The following PTPRD variants were observed in gnomAD, a reference collection of about 807,000 sequenced individuals.
PTPRD encodes protein tyrosine phosphatase receptor type D, also known as receptor-type tyrosine-protein phosphatase delta.
A neutral mutation model predicts 214.5 loss-of-function variants in PTPRD; 34 were observed. The ratio of observed to expected loss-of-function variants is 0.16; its 90% CI spans 0.12 to 0.21. PTPRD has a LOEUF of 0.21. PTPRD is among the 10% of genes least tolerant of loss of function. PTPRD has a pLI of 1.00. For missense variants in PTPRD, 2,545 were observed against 2,398.7 expected (o/e 1.06, Z -1.27); for synonymous variants, 1,128 against 845.7 (o/e 1.33, Z -5.79).
At chr9:10,561,433 C>T (rs1444825936) in intron 2 of PTPRD, among the ~76,000 whole-genome samples, 1 of 152,134 alleles carries the variant, frequency 6.6e-6, no homozygotes, top group Non-Finnish European at 1.5e-5. Context: ...TATTTCTCCA[C>T]TGCAACTTGA....
In PTPRD at chr9:8,410,286, G is replaced by A. The variant is rs566827788; in HGVS notation, c.4087-5626C>T. ...TGATGTTTTAGAAACTGAAATGTGA[G>A]GAAGGAGTGGAAAGTCCAGTGGTGA... On this transcript the variant is annotated intron_variant, in intron 35 of 45. Coordinates refer to ENST00000381196, the MANE Select transcript of PTPRD (RefSeq NM_002839.4). Among the ~76,000 whole-genome samples, 4 of 152,312 alleles carry A rather than the reference G, an allele frequency of 2.6e-5. No homozygotes were observed. The South Asian group carries it at 6.2e-4, about 24-fold the overall frequency.
At chr9:9,111,683 G>A (rs933196416) in intron 10 of PTPRD, among the ~76,000 whole-genome samples, 1 of 152,014 alleles carries the variant, frequency 6.6e-6, no homozygotes, top group Non-Finnish European at 1.5e-5. Flanking sequence ...GTTTTCAGAG[G>A]CAAATTATAC....
chr9:10,583,048 T>TA (rs2072540995), intron 2 of PTPRD, among the ~76,000 whole-genome samples: 1 of 152,138 alleles, frequency 6.6e-6, no homozygotes, highest in Non-Finnish European at 1.5e-5. Flanking sequence ...CTTTGGATGA[T>TA]AAAGTCTGGG....
chr9:8,803,323 T>C (rs1259741475), intron 11 of PTPRD, among the ~76,000 whole-genome samples: 1 of 152,142 alleles, frequency 6.6e-6, no homozygotes, highest in Non-Finnish European at 1.5e-5. Context: ...TAGGCTTCCC[T>C]ATAATTTAAT....
intron 11 of PTPRD, among the ~76,000 whole-genome samples, chr9:8,779,684 C>T (rs941571875): frequency 1.3e-5 from 2 of 152,116 alleles, no homozygotes; most frequent in African/African-American, 2.4e-5. Context: ...TTAATCAGCA[C>T]GGTAAACAAG....
chr9:10,509,557 T>TTATATATATATATGTATATA (rs2047271019), intron 2 of PTPRD, among the ~76,000 whole-genome samples: 1 of 106,690 alleles, frequency 9.4e-6, no homozygotes, highest in Non-Finnish European at 1.8e-5. Flanking sequence ...TTAATAAATA[T>TTATATATATATATGTATATA]TATATATATA....
intron 9 of PTPRD, among the ~76,000 whole-genome samples, chr9:9,379,981 T>C (rs1032454432): frequency 2.0e-5 from 3 of 152,072 alleles, no homozygotes; most frequent in Admixed American, 6.6e-5. Context: ...AAAGATATTT[T>C]CATTTTTTTC....
intron 39 of PTPRD, among the ~76,000 whole-genome samples, chr9:8,366,847 C>A (rs765968131): frequency 6.6e-6 from 1 of 152,200 alleles, no homozygotes; most frequent in Non-Finnish European, 1.5e-5. Context: ...TAGCATTTAT[C>A]AACTCCAAAG....
Position 8,825,224 on chromosome 9 carries a change from T to A in PTPRD, c.-103-91278A>T, listed in dbSNP as rs549622136. Among the ~76,000 whole-genome samples the A allele has an allele frequency of 5.3e-5, 8 of 152,332 alleles. No individual in the cohort carries two copies. In the East Asian group the frequency reaches 1.3e-3, roughly 26 times the overall value. ...TTAGAAACCCTGTATAGGGACTGTT[T>A]TAGGCAAGGTATGTGGCCAGTTTTC... On this transcript the variant is annotated intron_variant, in intron 11 of 45. Coordinates refer to ENST00000381196, the MANE Select transcript of PTPRD (RefSeq NM_002839.4).
chr9:8,761,041 C>A (rs1325033282), intron 11 of PTPRD, among the ~76,000 whole-genome samples: 1 of 152,104 alleles, frequency 6.6e-6, no homozygotes, highest in Non-Finnish European at 1.5e-5. Flanking sequence ...AGAAGGACAC[C>A]AAGCTTTTTA....
chr9:9,135,606 A>T (rs2099849647), intron 10 of PTPRD, among the ~76,000 whole-genome samples: 1 of 152,174 alleles, frequency 6.6e-6, no homozygotes, highest in Admixed American at 6.5e-5. Context: ...AAAGAGGGAA[A>T]ATATTGGATT....
intron 8 of PTPRD, among the ~76,000 whole-genome samples, chr9:9,510,708 T>C (rs983049964): frequency 6.6e-6 from 1 of 151,534 alleles, no homozygotes; most frequent in Non-Finnish European, 1.5e-5. Flanking sequence ...TGCCCACCTA[T>C]TTGGGCGGCC....
chr9:8,613,269 G>C (rs1464056597), intron 14 of PTPRD, among the ~76,000 whole-genome samples: 1 of 152,036 alleles, frequency 6.6e-6, no homozygotes, highest in Non-Finnish European at 1.5e-5. Flanking sequence ...AAGAGAAATG[G>C]CATTCTTTCA....
chr9:9,818,629 G>C (rs1565495806), intron 5 of PTPRD, among the ~76,000 whole-genome samples: 1 of 152,030 alleles, frequency 6.6e-6, no homozygotes, highest in African/African-American at 2.4e-5. Flanking sequence ...TTCCAGTAAA[G>C]AAAATGGGTC....
At chr9:9,405,850 G>A (rs1012482999) in intron 8 of PTPRD, among the ~76,000 whole-genome samples, 3 of 151,868 alleles carry the variant, frequency 2.0e-5, no homozygotes, top group African/African-American at 7.3e-5. Context: ...GTGTATTGAT[G>A]TTTGTCCTTT....
chr9:9,915,960 C>G (rs2080645159), intron 5 of PTPRD, among the ~76,000 whole-genome samples: 1 of 151,426 alleles, frequency 6.6e-6, no homozygotes, highest in South Asian at 2.1e-4. Context: ...ATTCTAAAAG[C>G]TGGAAAAGAA....
At chr9:8,652,918 C>A (rs972732330) in intron 12 of PTPRD, among the ~76,000 whole-genome samples, 1 of 152,126 alleles carries the variant, frequency 6.6e-6, no homozygotes, top group African/African-American at 2.4e-5. Context: ...TTATTCCATA[C>A]CAAATGTAAA....
At chr9:9,410,820 GC>G (rs1446449545) in intron 8 of PTPRD, among the ~76,000 whole-genome samples, 11 of 152,232 alleles carry the variant, frequency 7.2e-5, no homozygotes, top group Non-Finnish European at 2.9e-5. Flanking sequence ...TTCCCAACAT[GC>G]TTTCCTGCAT....
At chr9:9,362,215 T>C (rs1172307640) in intron 9 of PTPRD, among the ~76,000 whole-genome samples, 1 of 151,150 alleles carries the variant, frequency 6.6e-6, no homozygotes, top group Non-Finnish European at 1.5e-5. Flanking sequence ...TATACATTCA[T>C]ACAGTATTTC....
Sources: allele counts gnomAD v4.1 joint callset (sites outside exome capture counted in the v4.1 genomes callset), GRCh38; gene constraint gnomAD v4.1.1; transcripts MANE v1.5; gene names NCBI Gene and HGNC (gene_info 2026-07-23, HGNC 2026-07-21).